Variants in HIPK2 observed in about 807,000 individuals in gnomAD.
HIPK2 encodes homeodomain interacting protein kinase 2.
Under a neutral mutation model 113.7 loss-of-function variants are expected in HIPK2, and 27 were observed. That is an observed-to-expected ratio of 0.24 (90% CI 0.17 to 0.33). The LOEUF (loss-of-function observed/expected upper bound fraction) is 0.33. HIPK2 is among the 10% of genes least tolerant of loss of function. HIPK2 has a pLI of 1.00. For missense variants in HIPK2, 1,257 were observed against 1,588.0 expected (o/e 0.79, Z 3.54); for synonymous variants, 631 against 642.2 (o/e 0.98, Z 0.26).
intron 2 of HIPK2, among the ~76,000 whole-genome samples, chr7:139,713,747 C>T (rs1337267542): frequency 6.6e-6 from 1 of 152,202 alleles, no homozygotes; most frequent in African/African-American, 2.4e-5. Context: ...AAAGAGCCAG[C>T]CTTTGGCATG....
chr7:139,728,561 T>C (rs1252896710), intron 1 of HIPK2, among the ~76,000 whole-genome samples: 1 of 152,214 alleles, frequency 6.6e-6, no homozygotes, highest in East Asian at 1.9e-4. Context: ...ATCAGTTGTA[T>C]TGGGTTAGGG....
intron 1 of HIPK2, among the ~76,000 whole-genome samples, chr7:139,746,914 A>G (rs1294602868): frequency 6.6e-6 from 1 of 152,060 alleles, no homozygotes; most frequent in Non-Finnish European, 1.5e-5. Context: ...GGGGTTAGAG[A>G]TATTATAAGA....
At chr7:139,628,623 G>A (rs1187916253) in intron 5 of HIPK2, among the ~76,000 whole-genome samples, 6 of 152,066 alleles carry the variant, frequency 3.9e-5, no homozygotes, top group Admixed American at 6.6e-5. Context: ...TAGTAGAGAC[G>A]GGGTTTCGCC....
chr7:139,747,209 T>G (rs1189106211), intron 1 of HIPK2, among the ~76,000 whole-genome samples: 1 of 152,136 alleles, frequency 6.6e-6, no homozygotes, highest in Non-Finnish European at 1.5e-5. Flanking sequence ...CAGCCATCAA[T>G]TCAGGGGCTG....
chr7:139,707,335 C>T (rs557364909), intron 2 of HIPK2, among the ~76,000 whole-genome samples: 114 of 152,386 alleles, frequency 7.5e-4, no homozygotes, highest in African/African-American at 2.5e-3. Flanking sequence ...AGGCTCCATC[C>T]GGCACTGGCC....
At chr7:139,762,989 T>C (rs552845620) in intron 1 of HIPK2, among the ~76,000 whole-genome samples, 1 of 152,270 alleles carries the variant, frequency 6.6e-6, no homozygotes, top group African/African-American at 2.4e-5. Flanking sequence ...GGAAGTGACA[T>C]TTGAGGTGTG....
chr7:139,679,604 G>T (rs143219010), intron 2 of HIPK2, among the ~76,000 whole-genome samples: 1 of 152,266 alleles, frequency 6.6e-6, no homozygotes, highest in East Asian at 1.9e-4. Context: ...TTCCAGGAGA[G>T]CTTATAAAAG....
intron 1 of HIPK2, among the ~76,000 whole-genome samples, chr7:139,737,796 CAG>C (rs1366211141): frequency 1.3e-5 from 2 of 152,310 alleles, no homozygotes; most frequent in African/African-American, 4.8e-5. Flanking sequence ...AAAAGAAAAA[CAG>C]TGCGGTTGCT....
At position 139,601,242 on chromosome 7, in the gene HIPK2, CAA is replaced by C. The variant is rs11340089; in HGVS notation, c.2256-648_2256-647del. ...TGGGTGACAGAGCGAGACACTGTCT[CAA>C]AAAAAAAAAAAAAGTTTCACCTTAA... On this transcript the variant is annotated intron_variant, in intron 10 of 14. Transcript: ENST00000406875. Among the ~76,000 whole-genome samples, 761 of 92,706 alleles carry C rather than the reference CAA, an allele frequency of 8.2e-3. 4 individuals carry two copies. The highest frequency in any genetic ancestry group is 0.024 in the African/African-American group (685 of 28,144). 60.8% of individuals were successfully genotyped at this position (92,706 alleles called of 152,430 possible). A position where few individuals can be genotyped will look rare whatever the true frequency, so the allele number is the denominator to read the frequency against.
intron 2 of HIPK2, among the ~76,000 whole-genome samples, chr7:139,647,423 T>C (rs1231828631): frequency 1.3e-5 from 2 of 152,202 alleles, no homozygotes; most frequent in African/African-American, 4.8e-5. Flanking sequence ...GAAGAAGAAG[T>C]GAAAACTGGG....
chr7:139,684,171 G>A (rs1286945532), intron 2 of HIPK2, among the ~76,000 whole-genome samples: 1 of 152,122 alleles, frequency 6.6e-6, no homozygotes, highest in Non-Finnish European at 1.5e-5. Context: ...GTACTTGTGT[G>A]CCATGAATTG....
At position 139,667,716 on chromosome 7, in the gene HIPK2, A is replaced by C. The variant is rs1227634742; in HGVS notation, c.1104-35991T>G. 2.6e-5 allele frequency among the ~76,000 whole-genome samples: 4 copies of C among 152,256 alleles called. No individual in the cohort carries two copies. In the South Asian group the frequency reaches 6.2e-4, roughly 24 times the overall value. The stretch of plus-strand genomic sequence containing the variant: ...AAATATTTGTACATTTGTATAATAT[A>C]TAAAACATATTGGTTAATTTCCTTT... On this transcript the variant is annotated intron_variant, in intron 2 of 14. Coordinates refer to ENST00000406875, the MANE Select transcript of HIPK2 (RefSeq NM_022740.5).
chr7:139,748,001 A>G (rs1796216816), intron 1 of HIPK2, among the ~76,000 whole-genome samples: 1 of 152,176 alleles, frequency 6.6e-6, no homozygotes, highest in Non-Finnish European at 1.5e-5. Flanking sequence ...GCTGTTCTAG[A>G]TGGTGACATT....
At position 139,596,977 on chromosome 7, in the gene HIPK2, C is replaced by T. The variant is rs1799241352; in HGVS notation, c.2457G>A (p.Val819=). 1 of 1,599,946 alleles carries T rather than the reference C, an allele frequency of 6.3e-7. No homozygotes were observed. Among genetic ancestry groups the T allele is most frequent in the Non-Finnish European group, 8.6e-7 (1 of 1,168,752 alleles). Residue 819 remains valine (V), a synonymous_variant, in exon 12 of 15, where the codon GTG becomes GTA. Transcript: ENST00000406875. ...GGGAGCTGATGGCCTGAGAGGAGGA[C>T]ACCTCACAGGTGGAGACATTTCTGT... is the stretch of plus-strand genomic sequence containing the variant. The part of the protein sequence containing the change: ...SSVRNVSTCE[V]SSSQAISSPQ...
chr7:139,604,464 G>A lies in HIPK2; in HGVS notation c.2113-241C>T, dbSNP rs192463024. Among the ~76,000 whole-genome samples the A allele has an allele frequency of 4.2e-3, 637 of 152,084 alleles. 4 individuals are homozygous for A. Among genetic ancestry groups the A allele is most frequent in the Middle Eastern group, 0.01 (3 of 294 alleles). ...TGGGAGGCTGAGGAGAGCGGATCAC[G>A]AGGTCAGGAGATCCAGACCATCCTG... On this transcript the variant is annotated intron_variant, in intron 9 of 14. Coordinates refer to ENST00000406875, the MANE Select transcript of HIPK2 (RefSeq NM_022740.5).
intron 1 of HIPK2, among the ~76,000 whole-genome samples, chr7:139,727,950 T>C (rs917948158): frequency 2.5e-4 from 38 of 149,264 alleles, no homozygotes; most frequent in Admixed American, 6.7e-4. Flanking sequence ...TTTTTTTTTT[T>C]TTTTTTTTTG....
intron 1 of HIPK2, among the ~76,000 whole-genome samples, chr7:139,754,603 C>A (rs1173984404): frequency 6.6e-6 from 1 of 152,150 alleles, no homozygotes; most frequent in African/African-American, 2.4e-5. Flanking sequence ...AAACCTCTTA[C>A]AAAAGTCATT....
chr7:139,625,105 C>T (rs190615832), intron 6 of HIPK2, among the ~76,000 whole-genome samples: 76 of 152,278 alleles, frequency 5.0e-4, no homozygotes, highest in African/African-American at 1.7e-3. Context: ...ATCCACATGC[C>T]CCTCGTCCAT....
At chr7:139,774,436 A>G in intron 1 of HIPK2, among the ~76,000 whole-genome samples, 1 of 152,246 alleles carries the variant, frequency 6.6e-6, no homozygotes. Context: ...CGAGAAGAAA[A>G]GCAACATTTA....
Sources: allele counts gnomAD v4.1 joint callset (sites outside exome capture counted in the v4.1 genomes callset), GRCh38; gene constraint gnomAD v4.1.1; transcripts MANE v1.5; gene names NCBI Gene and HGNC (gene_info 2026-07-23, HGNC 2026-07-21).